SDS: variants seen among roughly 807,000 people sequenced by gnomAD.
SDS encodes L-serine dehydratase/L-threonine deaminase.
Under a neutral mutation model 29.3 loss-of-function variants are expected in SDS, and 19 were observed. The ratio of observed to expected loss-of-function variants is 0.65; its 90% CI spans 0.45 to 0.95. The LOEUF (loss-of-function observed/expected upper bound fraction) is 0.95. Ranked by LOEUF, SDS falls within the 40% of genes least tolerant of loss-of-function variation. The probability of loss-of-function intolerance (pLI) is 0.00; values close to 1 mark genes in which losing one functional copy is unlikely to be tolerated. For missense variants in SDS, 375 were observed against 439.9 expected (o/e 0.85, Z 1.32); for synonymous variants, 176 against 189.0 (o/e 0.93, Z 0.56).
intron 6 of SDS, among the ~76,000 whole-genome samples, chr12:113,396,398 TTC>T (rs1957644327): frequency 6.6e-6 from 1 of 150,704 alleles, no homozygotes; most frequent in Non-Finnish European, 1.5e-5. Context: ...CTTTCTTCCT[TTC>T]TTTCTCTTTT....
intron 2 of SDS, 127 bp downstream of exon 2, chr12:113,399,429 T>A (rs571159976): frequency 8.4e-7 from 1 of 1,184,108 alleles, no homozygotes; most frequent in Non-Finnish European, 1.2e-6. Context: ...TGGTGGACGC[T>A]CAGTCCTTGC....
At chr12:113,396,914 C>T (rs1957650310) in intron 6 of SDS, 2 of 546,082 alleles carry the variant, frequency 3.7e-6, no homozygotes, top group African/African-American at 1.9e-5. Context: ...GCTGGGATTA[C>T]AGGCACAAGT....
chr12:113,403,367 T>C (rs1957696641), intron 1 of SDS, among the ~76,000 whole-genome samples: 2 of 152,014 alleles, frequency 1.3e-5, no homozygotes. Flanking sequence ...CTACTAAAAA[T>C]ACAAAAATTA....
chr12:113,393,777 A>G, intron 7 of SDS, 115 bp downstream of exon 7: 1 of 1,380,650 alleles, frequency 7.2e-7, no homozygotes, highest in Non-Finnish European at 1.0e-6. Flanking sequence ...GCAGAGGTGG[A>G]AGACAGAACT....
rs148709633 is a variant in SDS, at chr12:113,392,661, G to A, written c.*280C>T. 75 of 428,804 alleles carry A rather than the reference G, an allele frequency of 1.7e-4. No individual in the cohort carries two copies. The highest frequency in any genetic ancestry group is 1.4e-3 in the African/African-American group (68 of 49,094). 26.6% of individuals were successfully genotyped at this position (428,804 alleles called of 1,614,324 possible). ...GATTCAGGTCTCTCCTGTCCACCCT[G>A]CTCTGGGTACCTGGTGTGTTACTTG... On this transcript the variant is annotated 3_prime_UTR_variant, in exon 8 of 8. Coordinates refer to ENST00000257549, the MANE Select transcript of SDS (RefSeq NM_006843.3).
intron 3 of SDS, 21 bp from the exon 4 acceptor site, chr12:113,398,867 G>A: frequency 6.3e-7 from 1 of 1,585,108 alleles, no homozygotes; most frequent in South Asian, 1.1e-5. Context: ...CGGGGGTGGA[G>A]AGCGTGTCAG....
intron 7 of SDS, 110 bp from the exon 8 acceptor site, chr12:113,393,259 C>G: frequency 1.9e-6 from 2 of 1,060,826 alleles, no homozygotes; most frequent in Non-Finnish European, 1.4e-6. Flanking sequence ...GCTCTCAGCC[C>G]TGGCTGCAGC....
At chr12:113,393,278 CT>C in intron 7 of SDS, 129 bp from the exon 8 acceptor site, 1 of 887,358 alleles carries the variant, frequency 1.1e-6, no homozygotes, top group South Asian at 1.5e-5. Context: ...GCCGCAGGTC[CT>C]GAACCAAACG....
At chr12:113,400,925 G>A (rs1004311845) in intron 1 of SDS, among the ~76,000 whole-genome samples, 12 of 152,076 alleles carry the variant, frequency 7.9e-5, no homozygotes, top group Non-Finnish European at 1.5e-4. Flanking sequence ...AGGCCGAAGC[G>A]GGCGGATCAC....
chr12:113,399,762 A>G, intron 1 of SDS, 52 bp from the exon 2 acceptor site: 1 of 1,442,840 alleles, frequency 6.9e-7, no homozygotes, highest in African/African-American at 1.4e-5. Context: ...CCCCGGTGCC[A>G]GCACTGCCAG....
chr12:113,403,136 T>C (rs1043220010), intron 1 of SDS, among the ~76,000 whole-genome samples: 1 of 152,024 alleles, frequency 6.6e-6, no homozygotes, highest in African/African-American at 2.4e-5. Flanking sequence ...GGCTGTTTTT[T>C]AAAAATTTGA....
At position 113,392,812 on chromosome 12, in the gene SDS, T is replaced by A. The variant is rs1957618900; in HGVS notation, c.*129A>T. 1.1e-6 allele frequency: 1 copy of A among 887,984 alleles called. No individual in the cohort carries two copies. The highest frequency in any genetic ancestry group is 1.8e-6 in the Non-Finnish European group (1 of 552,128). 55.0% of individuals were successfully genotyped at this position (887,984 alleles called of 1,614,324 possible). On this transcript the variant is annotated 3_prime_UTR_variant, in exon 8 of 8. Coordinates refer to ENST00000257549, the MANE Select transcript of SDS (RefSeq NM_006843.3). ...TGGCCTCTGCATAGTGGGCTCCTGA[T>A]AACAAGAAGTTAACCTGCACCCAGG... is the stretch of plus-strand genomic sequence containing the variant.
chr12:113,399,218 C>T, intron 2 of SDS, 67 bp from the exon 3 acceptor site: 3 of 1,515,648 alleles, frequency 2.0e-6, no homozygotes, highest in Non-Finnish European at 2.7e-6. Flanking sequence ...TTCCTCCCCA[C>T]CTGGAATACC....
At chr12:113,398,988 C>G in intron 3 of SDS, 124 bp downstream of exon 3, 1 of 1,547,506 alleles carries the variant, frequency 6.5e-7, no homozygotes, top group East Asian at 2.3e-5. Context: ...CCTGGAATTC[C>G]AAATTGGTGG....
intron 5 of SDS, among the ~76,000 whole-genome samples, chr12:113,397,905 C>T (rs906111293): frequency 6.6e-6 from 1 of 152,184 alleles, no homozygotes; most frequent in African/African-American, 2.4e-5. Flanking sequence ...ACCTTTGTCC[C>T]CAAGTCTGCT....
In SDS at chr12:113,393,019, G is replaced by A. The variant is rs769558006; in HGVS notation, c.909C>T (p.Cys303=). Reference sequence around the variant, plus strand: ...GGGCCAGGCTGATGTTGCTGCCCCCGCAGACGATGACCACGAGGGATGGCA... The same window carrying A: ...GGGCCAGGCTGATGTTGCTGCCCCCACAGACGATGACCACGAGGGATGGCA... The part of the protein sequence containing the change: ...TPLPSLVVIV[C]GGSNISLAQL... The change falls in exon 8 of 8, where the codon TGC becomes TGT. Residue 303 remains cysteine, a synonymous_variant. Transcript: ENST00000257549. 33 of 1,614,144 alleles carry A rather than the reference G, an allele frequency of 2.0e-5. No homozygotes were observed. The highest frequency in any genetic ancestry group is 2.6e-5 in the Non-Finnish European group (31 of 1,180,022).
rs559276465 is a variant in SDS at position 113,398,794 on chromosome 12, G to A, written c.246C>T (p.Pro82=). 2.0e-5 allele frequency: 33 copies of A among 1,613,368 alleles called. No homozygotes were observed. Among genetic ancestry groups the A allele is most frequent in the East Asian group, 6.7e-5 (3 of 44,844 alleles). Residue 82 remains proline, a synonymous_variant, in exon 4 of 8, where the codon CCC becomes CCT. Coordinates refer to ENST00000257549, the MANE Select transcript of SDS (RefSeq NM_006843.3). ...TGGTGCTGGGCACCACGATGGTGGC[G>A]GGGACGCCGAGTTGCCTGGCCGCAT... ...AAYAARQLGV[P]ATIVVPSTTP... is the part of the protein sequence containing the mutation.
chr12:113,395,136 T>A (rs1957636812), intron 6 of SDS, among the ~76,000 whole-genome samples: 1 of 152,182 alleles, frequency 6.6e-6, no homozygotes, highest in Non-Finnish European at 1.5e-5. Context: ...GAGCTGGGGC[T>A]GCAAGCAGGA....
chr12:113,393,151 T>C lies in SDS; in HGVS notation c.779-2A>G, dbSNP rs1321209495. The C allele has an allele frequency of 6.2e-7, 1 of 1,613,300 alleles. No homozygotes were observed. The highest frequency in any genetic ancestry group is 8.5e-7 in the Non-Finnish European group (1 of 1,179,856). On this transcript the variant is annotated splice_acceptor_variant, in intron 7 of 7. Coordinates refer to ENST00000257549, the MANE Select transcript of SDS (RefSeq NM_006843.3). LOFTEE classifies it high-confidence loss of function. ...GCTCCACCAGGATCTTCTCATCATC[T>C]GCCAGAGAAGGGGCGTGACAGGGGC... is the stretch of plus-strand genomic sequence containing the variant.
Sources: gnomAD v4.1 joint callset for allele counts (sites outside exome capture counted in the v4.1 genomes callset) on GRCh38, gnomAD v4.1.1 for gene constraint, MANE v1.5 for transcripts, NCBI Gene and HGNC (gene_info 2026-07-23, HGNC 2026-07-21) for gene names.